SCN3A: variants seen among roughly 807,000 people sequenced by gnomAD.
SCN3A encodes the protein sodium voltage-gated channel alpha subunit 3.
SCN3A carries 60 observed loss-of-function variants against 187.6 expected under a neutral mutation model. The observed-to-expected ratio is 0.32, with a 90% confidence interval of 0.26 to 0.40. The LOEUF (loss-of-function observed/expected upper bound fraction) is 0.40. Ranked by LOEUF, SCN3A falls within the 10% of genes least tolerant of loss-of-function variation. The pLI is 1.00. For synonymous variants in SCN3A, 788 were observed against 829.2 expected, an observed-to-expected ratio of 0.95 and a Z score of 0.85; for missense variants, 1,601 against 2,428.2, an observed-to-expected ratio of 0.66 and a Z score of 7.16.
chr2:165,100,007 G>A (rs541564591), intron 22 of SCN3A, among the ~76,000 whole-genome samples: 30 of 152,296 alleles, frequency 2.0e-4, no homozygotes, highest in African/African-American at 7.2e-4. Flanking sequence ...TTCAAGGGGT[G>A]TAAGCAATGA....
At chr2:165,164,599 A>G in intron 5 of SCN3A, 79 bp from the exon 6 acceptor site, 1 of 1,493,052 alleles carries the variant, frequency 6.7e-7, no homozygotes, top group African/African-American at 1.4e-5. Context: ...AGCAAATCCT[A>G]TCCTTTTGTG....
chr2:165,105,251 C>G (rs1398964341), intron 21 of SCN3A, among the ~76,000 whole-genome samples: 1 of 152,148 alleles, frequency 6.6e-6, no homozygotes, highest in Non-Finnish European at 1.5e-5. Flanking sequence ...TCTGTACTTG[C>G]TACAGACATC....
chr2:165,148,188 A>G (rs1688467347), intron 11 of SCN3A, among the ~76,000 whole-genome samples: 1 of 134,916 alleles, frequency 7.4e-6, no homozygotes. Flanking sequence ...CTTTGCTATC[A>G]ATTGTCTCAG....
intron 15 of SCN3A, among the ~76,000 whole-genome samples, chr2:165,132,361 C>T (rs1687386053): frequency 6.6e-6 from 1 of 152,170 alleles, no homozygotes; most frequent in Non-Finnish European, 1.5e-5. Context: ...GGAGGCATCA[C>T]ACTACCTGAC....
At chr2:165,100,553 A>G in intron 21 of SCN3A, 129 bp from the exon 22 acceptor site, 1 of 871,136 alleles carries the variant, frequency 1.1e-6, no homozygotes, top group South Asian at 1.5e-5. Context: ...TTCATCTTCC[A>G]CATAGTGGGG....
chr2:165,181,153 T>C (rs1690827360), intron 2 of SCN3A, among the ~76,000 whole-genome samples: 1 of 152,204 alleles, frequency 6.6e-6, no homozygotes, highest in Non-Finnish European at 1.5e-5. Flanking sequence ...TCATAAATGC[T>C]TCTGTGTTCA....
intron 10 of SCN3A, among the ~76,000 whole-genome samples, chr2:165,155,526 T>G (rs923929030): frequency 6.6e-6 from 1 of 151,982 alleles, no homozygotes; most frequent in Non-Finnish European, 1.5e-5. Flanking sequence ...CAGACTCCCT[T>G]GTAGCTAGGG....
At position 165,176,204 on chromosome 2, in the gene SCN3A, A is replaced by G; in HGVS notation, c.191T>C (p.Ile64Thr). The change falls in exon 3 of 28, where the codon ATT becomes ACT. Residue 64 changes from isoleucine to threonine, a missense_variant. Physicochemically the swap from Ile to Thr is moderately conservative, Grantham distance 89. This residue lies in a region of SCN3A where 74 missense variants were observed against 77.7 expected (regional missense o/e 0.95). Transcript: ENST00000283254. ...CATCTCTGGAGGAATGTCTCCATAA[A>G]TAAATGGAAGGTTCTTTCCAGCTTC... ...DLEAGKNLPF[I>T]YGDIPPEMVS... 6.2e-7 allele frequency: 1 copy of G among 1,614,128 alleles called. No homozygotes were observed. The highest frequency in any genetic ancestry group is 1.1e-5 in the South Asian group (1 of 91,084).
chr2:165,097,098 T>A, intron 23 of SCN3A, 154 bp downstream of exon 23: 6 of 722,334 alleles, frequency 8.3e-6, no homozygotes, highest in Middle Eastern at 4.9e-4. Context: ...TGTAACATCT[T>A]TTTTATGATC....
chr2:165,175,513 T>A (rs1397188300), intron 3 of SCN3A, among the ~76,000 whole-genome samples: 1 of 151,948 alleles, frequency 6.6e-6, no homozygotes, highest in Non-Finnish European at 1.5e-5. Flanking sequence ...AATTTTGACA[T>A]TTTTTTCTTC....
chr2:165,186,274 C>A (rs74169446), intron 2 of SCN3A, among the ~76,000 whole-genome samples: 9,418 of 131,956 alleles, frequency 0.071, 880 homozygotes, highest in African/African-American at 0.22. Flanking sequence ...TGTCTCAAAA[C>A]AACAACAACA....
rs1169251444 is a variant in SCN3A at position 165,138,066 on chromosome 2, T to C, written c.2204A>G (p.Asn735Ser). 4 of 1,613,620 alleles carry C rather than the reference T, an allele frequency of 2.5e-6. No individual in the cohort carries two copies. The highest frequency in any genetic ancestry group is 2.7e-5 in the African/African-American group (2 of 75,018). Residue 735 changes from asparagine (N) to serine (S), a missense_variant, in exon 15 of 28, where the codon AAT (asparagine) becomes AGT (serine). Physicochemically the swap from Asn to Ser is conservative, Grantham distance 46. Around this residue, in one of 11 missense-constraint regions of SCN3A, gnomAD observed 376 missense variants for 476.0 expected, o/e 0.79. Coordinates refer to ENST00000283254, the MANE Select transcript of SCN3A (RefSeq NM_006922.4). ...KCPPCWYRFA[N>S]VFLIWDCCDA... ...ACAGCAGTCCCAGATCAAGAACACA[T>C]TGGCAAATCTATACCAGCATGGCGG...
intron 12 of SCN3A, 51 bp from the exon 13 acceptor site, chr2:165,141,049 G>T (rs373235787): frequency 6.1e-5 from 72 of 1,172,028 alleles, no homozygotes; most frequent in Admixed American, 1.3e-4. Context: ...GGGGAAGAAC[G>T]CAATTATTTA....
chr2:165,134,917 C>T (rs1687573116), intron 15 of SCN3A, among the ~76,000 whole-genome samples: 1 of 151,768 alleles, frequency 6.6e-6, no homozygotes, highest in African/African-American at 2.4e-5. Flanking sequence ...GATCTCATAC[C>T]TTTAAAAACA....
intron 21 of SCN3A, among the ~76,000 whole-genome samples, chr2:165,100,892 G>A (rs759447530): frequency 2.0e-4 from 30 of 152,070 alleles, no homozygotes; most frequent in Non-Finnish European, 3.5e-4. Flanking sequence ...GATCGTATAC[G>A]TTTTTTTATC....
chr2:165,124,775 A>G (rs893262913), intron 18 of SCN3A, among the ~76,000 whole-genome samples: 1 of 152,170 alleles, frequency 6.6e-6, no homozygotes, highest in Admixed American at 6.6e-5. Context: ...CAAGTTGCCA[A>G]TGAGTCTCAA....
chr2:165,187,580 A>G (rs1307480134), intron 1 of SCN3A, among the ~76,000 whole-genome samples: 3 of 152,200 alleles, frequency 2.0e-5, no homozygotes, highest in Non-Finnish European at 2.9e-5. Flanking sequence ...AATTTTATAC[A>G]TGGTCTATAC....
At chr2:165,118,055 C>T (rs1686457608) in intron 18 of SCN3A, among the ~76,000 whole-genome samples, 1 of 152,164 alleles carries the variant, frequency 6.6e-6, no homozygotes, top group East Asian at 1.9e-4. Flanking sequence ...ATCGTTTACA[C>T]ATATGGACCT....
intron 10 of SCN3A, 108 bp downstream of exon 10, chr2:165,155,654 C>T (rs1688976751): frequency 1.6e-6 from 2 of 1,281,386 alleles, no homozygotes; most frequent in Non-Finnish European, 2.2e-6. Context: ...CCGCCTCTGC[C>T]TCCCAAAGTG....
Sources: gnomAD v4.1 joint callset for allele counts (sites outside exome capture counted in the v4.1 genomes callset) on GRCh38, gnomAD v4.1.1 for gene constraint, gnomAD v4.1.1 regional missense constraint, MANE v1.5 for transcripts, NCBI Gene and HGNC (gene_info 2026-07-23, HGNC 2026-07-21) for gene names.